SNTG2: variants seen among roughly 807,000 people sequenced by gnomAD.
SNTG2 encodes the protein gamma-2-syntrophin.
Under a neutral mutation model 70.9 loss-of-function variants are expected in SNTG2, and 74 were observed. That is an observed-to-expected ratio of 1.04 (90% CI 0.86 to 1.27). SNTG2 has a LOEUF of 1.27. Ranked by LOEUF, SNTG2 falls within the 50% of genes most tolerant of loss-of-function variation. The pLI, the probability that SNTG2 is intolerant of heterozygous loss-of-function variation, is 0.00. For synonymous variants in SNTG2, 278 were observed against 273.8 expected, an observed-to-expected ratio of 1.02 and a Z score of -0.15; for missense variants, 717 against 690.7, an observed-to-expected ratio of 1.04 and a Z score of -0.43.
intron 6 of SNTG2, among the ~76,000 whole-genome samples, chr2:1,141,335 C>T (rs919942708): frequency 2.6e-5 from 4 of 152,212 alleles, no homozygotes; most frequent in African/African-American, 7.2e-5. Flanking sequence ...GGTGCCGGAA[C>T]ACAAAGTATG....
chr2:1,173,086 C>T lies in SNTG2; in HGVS notation c.500-6C>T, dbSNP rs1298754215. The T allele has an allele frequency of 6.2e-7, 1 of 1,613,350 alleles. No individual in the cohort carries two copies. Among genetic ancestry groups the T allele is most frequent in the Non-Finnish European group, 8.5e-7 (1 of 1,179,544 alleles). ...ATTGGAAGGGACTTCTCTTGTTTTG[C>T]TGCAGGGTCCCCAGGGCCATCCAGC... On this transcript the variant is annotated splice_polypyrimidine_tract_variant and splice_region_variant and intron_variant, in intron 7 of 16. Transcript: ENST00000308624.
chr2:1,177,679 A>C (rs1320621285), intron 8 of SNTG2, among the ~76,000 whole-genome samples: 1 of 148,236 alleles, frequency 6.7e-6, no homozygotes, highest in Non-Finnish European at 1.5e-5. Flanking sequence ...AAAAGAAAAA[A>C]ATAATATATT....
chr2:1,178,964 A>G (rs1345727420), intron 8 of SNTG2, among the ~76,000 whole-genome samples: 5 of 152,008 alleles, frequency 3.3e-5, no homozygotes, highest in Admixed American at 2.6e-4. Flanking sequence ...GCTATTGATT[A>G]TTGCCACAAT....
intron 9 of SNTG2, among the ~76,000 whole-genome samples, chr2:1,217,703 A>G (rs1674490367): frequency 6.6e-6 from 1 of 152,136 alleles, no homozygotes; most frequent in South Asian, 2.1e-4. Flanking sequence ...ATGTATGTAC[A>G]TTTCTGTTAT....
chr2:1,149,923 T>C (rs1348097974), intron 6 of SNTG2, among the ~76,000 whole-genome samples: 2 of 151,914 alleles, frequency 1.3e-5, no homozygotes, highest in Admixed American at 6.6e-5. Context: ...CTCCTGACCT[T>C]GTGATCCACC....
chr2:1,062,952 C>G (rs1662919513), intron 1 of SNTG2, among the ~76,000 whole-genome samples: 1 of 152,082 alleles, frequency 6.6e-6, no homozygotes, highest in East Asian at 1.9e-4. Context: ...ATTTTTGTTT[C>G]TTTGCTTAGT....
intron 1 of SNTG2, among the ~76,000 whole-genome samples, chr2:1,005,445 C>T (rs532291318): frequency 1.6e-4 from 24 of 152,010 alleles, no homozygotes; most frequent in Admixed American, 7.9e-4. Context: ...TTCTCTGTAC[C>T]GTCCTCGTCC....
chr2:1,221,790 TCTG>T lies in SNTG2; in HGVS notation c.719+12561_719+12563del, dbSNP rs1674930897. 7.2e-4 allele frequency among the ~76,000 whole-genome samples: 19 copies of T among 26,328 alleles called. 2 individuals carry two copies. The highest frequency in any genetic ancestry group is 2.4e-3 in the Admixed American group (5 of 2,076). 17.3% of individuals were successfully genotyped at this position (26,328 alleles called of 152,430 possible). On this transcript the variant is annotated intron_variant, in intron 9 of 16. Transcript: ENST00000308624. ...GTCTCTGCCTCTCTCTGTCTCTGTC[TCTG>T]TCTGTCTCTGTCTCTCTCTCGGTCT... is the stretch of plus-strand genomic sequence containing the variant.
At chr2:1,208,366 G>A (rs906577417) in intron 8 of SNTG2, among the ~76,000 whole-genome samples, 1 of 149,512 alleles carries the variant, frequency 6.7e-6, no homozygotes, top group Non-Finnish European at 1.5e-5. Context: ...CCGGTCGCTG[G>A]GGCGGCAGCA....
chr2:1,294,002 G>A (rs376974522), intron 14 of SNTG2, among the ~76,000 whole-genome samples: 4 of 152,184 alleles, frequency 2.6e-5, no homozygotes, highest in South Asian at 2.1e-4. Flanking sequence ...CAAGTCAGAC[G>A]GTGCCACATG....
chr2:981,550 C>A (rs1661096083), intron 1 of SNTG2, among the ~76,000 whole-genome samples: 1 of 152,116 alleles, frequency 6.6e-6, no homozygotes, highest in Non-Finnish European at 1.5e-5. Flanking sequence ...CACACACATG[C>A]ACACACACAT....
chr2:1,231,835 C>T (rs773716723), intron 9 of SNTG2, among the ~76,000 whole-genome samples: 4 of 152,134 alleles, frequency 2.6e-5, no homozygotes, highest in East Asian at 1.9e-4. Context: ...CAAACACTCA[C>T]GTGTGCCTAC....
At chr2:1,140,181 A>C (rs771447917) in intron 6 of SNTG2, among the ~76,000 whole-genome samples, 2 of 152,228 alleles carry the variant, frequency 1.3e-5, no homozygotes, top group Non-Finnish European at 2.9e-5. Flanking sequence ...AACTAGATTT[A>C]CCTCCACAAA....
At chr2:1,057,312 T>G (rs1558350029) in intron 1 of SNTG2, among the ~76,000 whole-genome samples, 2 of 152,116 alleles carry the variant, frequency 1.3e-5, no homozygotes, top group African/African-American at 4.8e-5. Flanking sequence ...TCTGTATGCC[T>G]GAAAGGAGAG....
intron 1 of SNTG2, among the ~76,000 whole-genome samples, chr2:1,083,183 A>ATATAT (rs58011801): frequency 1.4e-5 from 2 of 142,214 alleles, no homozygotes; most frequent in East Asian, 2.0e-4. Context: ...AAACTAAAAA[A>ATATAT]ATATATATAT....
chr2:1,121,020 T>G (rs1453232318), intron 4 of SNTG2, among the ~76,000 whole-genome samples: 2 of 151,846 alleles, frequency 1.3e-5, no homozygotes, highest in African/African-American at 2.4e-5. Context: ...AAACAAGTCT[T>G]AACAAATTTT....
chr2:1,103,013 C>T (rs1383254159), intron 4 of SNTG2, among the ~76,000 whole-genome samples: 1 of 152,182 alleles, frequency 6.6e-6, no homozygotes, highest in Non-Finnish European at 1.5e-5. Flanking sequence ...TGCAGGATTC[C>T]ACACCCTGGA....
Position 1,197,575 on chromosome 2 carries a change from C to T in SNTG2, c.592-11528C>T, listed in dbSNP as rs576249390. Among the ~76,000 whole-genome samples, 52 of 150,990 alleles carry T rather than the reference C, an allele frequency of 3.4e-4. 1 individual carries two copies. The South Asian group carries it at 9.1e-3, about 26-fold the overall frequency. On this transcript the variant is annotated intron_variant, in intron 8 of 16. Coordinates refer to ENST00000308624, the MANE Select transcript of SNTG2 (RefSeq NM_018968.4). ...TATATTTGATACAGGTTCTCACTGT[C>T]ACTCAGTCTGGGGTGCAGTGGCATG...
intron 4 of SNTG2, among the ~76,000 whole-genome samples, chr2:1,125,714 T>G (rs893014199): frequency 6.8e-6 from 1 of 148,012 alleles, no homozygotes; most frequent in Non-Finnish European, 1.5e-5. Flanking sequence ...TTTGCTTAAT[T>G]TATTCTCAAT....
Sources: allele counts gnomAD v4.1 joint callset (sites outside exome capture counted in the v4.1 genomes callset), GRCh38; gene constraint gnomAD v4.1.1; transcripts MANE v1.5; gene names NCBI Gene and HGNC (gene_info 2026-07-23, HGNC 2026-07-21).